RGSL1: variants seen among roughly 807,000 people sequenced by gnomAD.
RGSL1 encodes regulator of G protein signaling protein-like.
RGSL1 carries 97 observed loss-of-function variants against 124.7 expected under a neutral mutation model. The observed-to-expected ratio is 0.78, with a 90% confidence interval of 0.66 to 0.92. The LOEUF (loss-of-function observed/expected upper bound fraction) is 0.92. Among genes scored for constraint, RGSL1 ranks in the 40% least tolerant of loss-of-function variants. The pLI, the probability that RGSL1 is intolerant of heterozygous loss-of-function variation, is 0.00. For missense variants in RGSL1, 1,233 were observed against 1,288.4 expected, an observed-to-expected ratio of 0.96 and a Z score of 0.66; for synonymous variants, 424 against 438.1, an observed-to-expected ratio of 0.97 and a Z score of 0.40.
chr1:182,497,685 T>A (rs1003070056), intron 9 of RGSL1, among the ~76,000 whole-genome samples: 1 of 152,178 alleles, frequency 6.6e-6, no homozygotes, highest in Admixed American at 6.5e-5. Context: ...TTGAATGTCA[T>A]CTTACTCAGA....
chr1:182,460,784 T>G (rs549573348), intron 4 of RGSL1: 5 of 449,896 alleles, frequency 1.1e-5, no homozygotes, highest in Non-Finnish European at 2.2e-5. Context: ...CTAGAGTCTA[T>G]TGAAACTTGC....
At chr1:182,518,432 C>T (rs1460788077) in intron 9 of RGSL1, among the ~76,000 whole-genome samples, 3 of 152,128 alleles carry the variant, frequency 2.0e-5, no homozygotes, top group African/African-American at 7.2e-5. Flanking sequence ...GACAAACCTC[C>T]TACAGTGTGA....
At chr1:182,477,478 C>G (rs915441955) in intron 6 of RGSL1, among the ~76,000 whole-genome samples, 5 of 152,182 alleles carry the variant, frequency 3.3e-5, no homozygotes, top group Admixed American at 2.6e-4. Context: ...GGAACCACAC[C>G]CTGATAACAG....
intron 21 of RGSL1, among the ~76,000 whole-genome samples, chr1:182,558,788 C>G (rs895521717): frequency 1.3e-5 from 2 of 152,170 alleles, no homozygotes; most frequent in Admixed American, 1.3e-4. Context: ...CCTCCCAACT[C>G]CCTTTTAAGG....
intron 9 of RGSL1, among the ~76,000 whole-genome samples, chr1:182,514,280 C>T (rs1657692947): frequency 6.6e-6 from 1 of 152,162 alleles, no homozygotes; most frequent in African/African-American, 2.4e-5. Flanking sequence ...ATAAGCCTTC[C>T]ATTATGCATA....
chr1:182,472,362 G>A, intron 4 of RGSL1, 34 bp from the exon 5 acceptor site: 4 of 1,529,204 alleles, frequency 2.6e-6, no homozygotes, highest in Non-Finnish European at 2.7e-6. Context: ...CAAAACTAGG[G>A]TATAGCTCTG....
At chr1:182,462,340 T>G (rs1652912435) in intron 4 of RGSL1, among the ~76,000 whole-genome samples, 1 of 152,144 alleles carries the variant, frequency 6.6e-6, no homozygotes, top group South Asian at 2.1e-4. Context: ...CCGCAAGAAA[T>G]GCTCAAGAGA....
intron 9 of RGSL1, among the ~76,000 whole-genome samples, chr1:182,520,362 G>C (rs1257003388): frequency 6.6e-6 from 1 of 152,116 alleles, no homozygotes; most frequent in Non-Finnish European, 1.5e-5. Flanking sequence ...CTGAGAATCT[G>C]CCAAAAGCTC....
chr1:182,523,905 C>T (rs1658541037), intron 10 of RGSL1, among the ~76,000 whole-genome samples: 1 of 152,066 alleles, frequency 6.6e-6, no homozygotes, highest in Non-Finnish European at 1.5e-5. Context: ...GAGTGAGGAT[C>T]AGGAAAATTA....
At chr1:182,549,015 T>C (rs1282717734) in intron 17 of RGSL1, 191 bp downstream of exon 17, 9 of 633,088 alleles carry the variant, frequency 1.4e-5, no homozygotes, top group Admixed American at 3.5e-5. Context: ...AATCCACAGA[T>C]GGAAGGCAGA....
chr1:182,467,345 T>A (rs531495182), intron 4 of RGSL1, among the ~76,000 whole-genome samples: 1 of 152,198 alleles, frequency 6.6e-6, no homozygotes, highest in African/African-American at 2.4e-5. Context: ...GCTGGAGGCA[T>A]CATGTTATCT....
chr1:182,542,118 A>G (rs913397892), intron 15 of RGSL1, among the ~76,000 whole-genome samples: 5 of 151,848 alleles, frequency 3.3e-5, no homozygotes, highest in Non-Finnish European at 7.4e-5. Context: ...TTGGCTCCCT[A>G]TGCTTCTTAC....
chr1:182,509,435 C>CG (rs1354611233), intron 9 of RGSL1, among the ~76,000 whole-genome samples: 2 of 16,200 alleles, frequency 1.2e-4, no homozygotes, highest in African/African-American at 4.9e-4. Context: ...GCTGGCCGGG[C>CG]AGAGGGCTGA....
At chr1:182,493,985 G>C (rs1185992900) in intron 9 of RGSL1, among the ~76,000 whole-genome samples, 1 of 152,106 alleles carries the variant, frequency 6.6e-6, no homozygotes, top group African/African-American at 2.4e-5. Context: ...CTTATCTGAA[G>C]ACCATTGCTA....
intron 20 of RGSL1, chr1:182,555,499 G>C (rs1046128518): frequency 6.4e-6 from 1 of 156,872 alleles, no homozygotes; most frequent in African/African-American, 2.4e-5. Context: ...GAACAGAAGG[G>C]ACTTGAGTCT....
intron 4 of RGSL1, among the ~76,000 whole-genome samples, chr1:182,465,034 G>A (rs933790014): frequency 1.4e-5 from 2 of 147,894 alleles, no homozygotes; most frequent in Non-Finnish European, 2.9e-5. Context: ...CATTTGATAT[G>A]CCACTGCACT....
intron 9 of RGSL1, among the ~76,000 whole-genome samples, chr1:182,509,676 C>T (rs1206640128): frequency 7.2e-6 from 1 of 138,466 alleles, no homozygotes; most frequent in Non-Finnish European, 1.6e-5. Flanking sequence ...GGCTGAACCC[C>T]CCACCTCCCT....
intron 6 of RGSL1, among the ~76,000 whole-genome samples, chr1:182,487,808 T>C (rs920905403): frequency 6.6e-6 from 1 of 152,220 alleles, no homozygotes. Flanking sequence ...TGGGTTAATA[T>C]ATCTAGCTAA....
chr1:182,469,590 G>C (rs1035454943), intron 4 of RGSL1, among the ~76,000 whole-genome samples: 2 of 152,146 alleles, frequency 1.3e-5, no homozygotes, highest in African/African-American at 4.8e-5. Flanking sequence ...GTGGAAAATA[G>C]CATGGAGGTT....
Sources: gnomAD v4.1 joint callset for allele counts (sites outside exome capture counted in the v4.1 genomes callset) on GRCh38, gnomAD v4.1.1 for gene constraint, MANE v1.5 for transcripts, NCBI Gene and HGNC (gene_info 2026-07-23, HGNC 2026-07-21) for gene names.